Variants in DIO2 observed in about 807,000 individuals in gnomAD.
The protein encoded by DIO2 is iodothyronine deiodinase 2, also known as type II iodothyronine deiodinase.
A neutral mutation model predicts 21.4 loss-of-function variants in DIO2; 19 were observed. That is an observed-to-expected ratio of 0.89 (90% CI 0.62 to 1.30). The LOEUF is 1.30. Ranked by LOEUF, DIO2 falls within the 50% of genes most tolerant of loss-of-function variation. DIO2 has a pLI of 0.00. For synonymous variants in DIO2, 122 were observed against 132.9 expected, an observed-to-expected ratio of 0.92 and a Z score of 0.57; for missense variants, 302 against 338.1, an observed-to-expected ratio of 0.89 and a Z score of 0.84.
intron 2 of DIO2, among the ~76,000 whole-genome samples, chr14:80,226,839 C>A (rs1211632539): frequency 6.6e-6 from 1 of 152,202 alleles, no homozygotes; most frequent in Non-Finnish European, 1.5e-5. Context: ...CTGAGGTCAC[C>A]CATTGGTCAG....
chr14:80,209,160 C>T (rs985425132), intron 1 of DIO2, among the ~76,000 whole-genome samples: 4 of 151,998 alleles, frequency 2.6e-5, no homozygotes, highest in East Asian at 1.9e-4. Context: ...TTATTGAAGA[C>T]GTATTTGTTT....
Position 80,201,232 on chromosome 14 carries a change from C to G in DIO2, c.*1457G>C, listed in dbSNP as rs1887707747. 1 of 151,726 alleles carries G rather than the reference C, an allele frequency of 6.6e-6. No individual in the cohort carries two copies. Among genetic ancestry groups the G allele is most frequent in the South Asian group, 2.1e-4 (1 of 4,808 alleles). 9.4% of individuals were successfully genotyped at this position (151,726 alleles called of 1,614,324 possible). A position where few individuals can be genotyped will look rare whatever the true frequency, so the allele number is the denominator to read the frequency against. ...GATTACTAAACCTCAGCTAATGGGACCAAGGGAAGATCCAAGTCCAAATTC... is the reference window on the plus strand; with the variant it reads ...GATTACTAAACCTCAGCTAATGGGAGCAAGGGAAGATCCAAGTCCAAATTC... On this transcript the variant is annotated 3_prime_UTR_variant, in exon 2 of 2. Coordinates refer to ENST00000438257, the MANE Select transcript of DIO2 (RefSeq NM_013989.5).
At chr14:80,206,182 ATAAAAT>A (rs748252559) in intron 1 of DIO2, 1 of 1,197,272 alleles carries the variant, frequency 8.4e-7, no homozygotes, top group Non-Finnish European at 1.2e-6. Flanking sequence ...AAATGCATAG[ATAAAAT>A]TAATATTATT....
In DIO2 at chr14:80,219,731, T is replaced by C. The variant is rs141641501; in HGVS notation, c.-277-2994A>G. Among the ~76,000 whole-genome samples, 373 of 152,190 alleles carry C rather than the reference T, an allele frequency of 2.5e-3. 1 individual carries two copies. Among genetic ancestry groups the C allele is most frequent in the Non-Finnish European group, 4.2e-3 (289 of 68,006 alleles). ...TAGAACTGAATCGTACAGTAGAGTA[T>C]AGAGAAAGAATTACCCAAATCTGTG... On this transcript the variant is annotated intron_variant, in intron 2 of 4. Coordinates refer to the DIO2 transcript ENST00000553594.
chr14:80,219,151 G>T (rs189905903), intron 2 of DIO2, among the ~76,000 whole-genome samples: 1 of 152,222 alleles, frequency 6.6e-6, no homozygotes, highest in Admixed American at 6.5e-5. Flanking sequence ...CTCTCTTCTA[G>T]GCATTAGAGG....
chr14:80,212,643 T>G (rs1417323227), upstream of DIO2, among the ~76,000 whole-genome samples: 1 of 152,150 alleles, frequency 6.6e-6, no homozygotes, highest in Non-Finnish European at 1.5e-5. Flanking sequence ...CTTTATACCT[T>G]TATACCATGA....
Position 80,202,977 on chromosome 14 carries a change from C to A in DIO2, c.534G>T (p.Leu178Phe). Residue 178 changes from leucine to phenylalanine, a missense_variant, in exon 2 of 2, where the codon TTG becomes TTT. Physicochemically the swap from Leu to Phe is conservative, Grantham distance 22 (BLOSUM62 0). Transcript: ENST00000438257. ...TCTGGTGCTTCTTCACCTCAAAAGA[C>A]AAAGAGGAGTCCCCCGGTATCGCCC... is the stretch of plus-strand genomic sequence containing the variant. Reference protein sequence around the residue: ...DGWAIPGDSSLSFEVKKHQNQ... With the variant: ...DGWAIPGDSSFSFEVKKHQNQ... 2.5e-6 allele frequency: 4 copies of A among 1,613,976 alleles called. No homozygotes were observed. Among genetic ancestry groups the A allele is most frequent in the Non-Finnish European group, 3.4e-6 (4 of 1,179,886 alleles).
rs1027988466 is a variant in DIO2, at chr14:80,200,919, T to C, written c.*1770A>G. ...TAGTTTAAGAATGTATTTTCAACTT[T>C]AGTTTTTTTCTATCCATTTTATTTA... On this transcript the variant is annotated 3_prime_UTR_variant, in exon 2 of 2. Coordinates refer to ENST00000438257, the MANE Select transcript of DIO2 (RefSeq NM_013989.5). 1 of 152,156 alleles carries C rather than the reference T, an allele frequency of 6.6e-6. No individual in the cohort carries two copies. Among genetic ancestry groups the C allele is most frequent in the Non-Finnish European group, 1.5e-5 (1 of 68,020 alleles). 9.4% of individuals were successfully genotyped at this position (152,156 alleles called of 1,614,324 possible).
chr14:80,211,299 C>T lies in DIO2; in HGVS notation c.174G>A (p.Glu58=). Residue 58 remains glutamate, a synonymous_variant, in exon 1 of 2, where the codon GAG becomes GAA. Transcript: ENST00000438257. The part of the protein sequence containing the change: ...RGEWRRMLTS[E]GLRCVWKSFL... ...AGCTCTTCCAGACGCAGCGCAGTCC[C>T]TCTGAGGTCAGCATGCGCCGCCACT... is the stretch of plus-strand genomic sequence containing the variant. 6.2e-7 allele frequency: 1 copy of T among 1,613,420 alleles called. No individual in the cohort carries two copies. Among genetic ancestry groups the T allele is most frequent in the South Asian group, 1.1e-5 (1 of 91,070 alleles).
rs945479745 is a variant in DIO2, at chr14:80,201,483, A to T, written c.*1206T>A. On this transcript the variant is annotated 3_prime_UTR_variant, in exon 2 of 2. Coordinates refer to ENST00000438257, the MANE Select transcript of DIO2 (RefSeq NM_013989.5). ...TCCCGCAGCAGCTGAGAATATATAT[A>T]CATATATTTGTATGTATGTATGTAT... 6.6e-6 allele frequency: 1 copy of T among 152,170 alleles called. No homozygotes were observed. Among genetic ancestry groups the T allele is most frequent in the Non-Finnish European group, 1.5e-5 (1 of 68,046 alleles). The allele number at this position is 152,170 out of a possible 1,614,324, so 9.4% of individuals were successfully genotyped here.
chr14:80,211,513 T>C (rs780810869), upstream of DIO2: 4 of 1,149,546 alleles, frequency 3.5e-6, no homozygotes, highest in Non-Finnish European at 3.5e-6. Flanking sequence ...GCGCTCTGGT[T>C]CCCCTTCACC....
rs780363757 is a variant in DIO2 at position 80,198,485 on chromosome 14, C to G, written c.*4204G>C. The G allele has an allele frequency of 3.9e-5, 6 of 152,578 alleles. No homozygotes were observed. Among genetic ancestry groups the G allele is most frequent in the Admixed American group, 3.9e-4 (6 of 15,272 alleles). The allele number at this position is 152,578 out of a possible 1,614,324, so 9.5% of individuals were successfully genotyped here. ...GCAGCCTTCAGCCTTCCTTCAGTTG[C>G]GAGAAGTTTGTTTTCAAATCTTCCC... On this transcript the variant is annotated 3_prime_UTR_variant, in exon 2 of 2. Coordinates refer to ENST00000438257, the MANE Select transcript of DIO2 (RefSeq NM_013989.5).
chr14:80,205,498 C>T, intron 1 of DIO2: 1 of 792,592 alleles, frequency 1.3e-6, no homozygotes, highest in South Asian at 1.9e-5. Context: ...GCGCCTCTAA[C>T]CCCCTGATTC....
intron 1 of DIO2, among the ~76,000 whole-genome samples, chr14:80,204,095 T>A (rs1566660870): frequency 6.6e-6 from 1 of 152,136 alleles, no homozygotes; most frequent in Non-Finnish European, 1.5e-5. Flanking sequence ...TTTTTTTAAA[T>A]GCCCTGAGCA....
At chr14:80,204,186 A>G (rs958678421) in intron 1 of DIO2, among the ~76,000 whole-genome samples, 3 of 152,140 alleles carry the variant, frequency 2.0e-5, no homozygotes, top group African/African-American at 7.2e-5. Context: ...TTACCACTCC[A>G]ATCTTACAAT....
chr14:80,207,863 G>A (rs1437262338), intron 1 of DIO2, among the ~76,000 whole-genome samples: 1 of 152,062 alleles, frequency 6.6e-6, no homozygotes, highest in Non-Finnish European at 1.5e-5. Context: ...CCTGCTTTGT[G>A]TTCTTTTGGG....
rs139520196 is a variant in DIO2, at chr14:80,220,025, T to G, written c.-277-3288A>C. ...AGAGATCAACAAAATGAAAGAAGTTTGTTACAATCTTGTTTTGTGTGTGTG... is the reference window on the plus strand; with the variant it reads ...AGAGATCAACAAAATGAAAGAAGTTGGTTACAATCTTGTTTTGTGTGTGTG... On this transcript the variant is annotated intron_variant, in intron 2 of 4. Transcript: ENST00000553594. Among the ~76,000 whole-genome samples the G allele has an allele frequency of 2.3e-4, 34 of 147,444 alleles. No individual in the cohort carries two copies. The East Asian group carries it at 2.8e-3, about 12-fold the overall frequency.
chr14:80,206,115 G>T, intron 1 of DIO2: 1 of 734,232 alleles, frequency 1.4e-6, no homozygotes, highest in Non-Finnish European at 2.2e-6. Context: ...GTCCCTTACT[G>T]AATGTTATAA....
At chr14:80,210,598 G>A (rs917507544) in intron 1 of DIO2, among the ~76,000 whole-genome samples, 3 of 152,068 alleles carry the variant, frequency 2.0e-5, no homozygotes, top group African/African-American at 7.2e-5. Context: ...CTTTTCTTTC[G>A]CAAGTTGATA....
Sources: gnomAD v4.1 joint callset for allele counts (sites outside exome capture counted in the v4.1 genomes callset) on GRCh38, gnomAD v4.1.1 for gene constraint, MANE v1.5 for transcripts, NCBI Gene and HGNC (gene_info 2026-07-23, HGNC 2026-07-21) for gene names.